Variants in WASF3 observed in about 807,000 individuals in gnomAD.
WASF3 encodes the protein actin-binding protein WASF3.
In WASF3, 11 loss-of-function variants were observed where a neutral mutation model predicts 46.6. The observed-to-expected ratio is 0.24, with a 90% CI of 0.15 to 0.39. The LOEUF (loss-of-function observed/expected upper bound fraction) is 0.39. Ranked by LOEUF, WASF3 falls within the 10% of genes least tolerant of loss-of-function variation. The pLI is 1.00. For synonymous variants in WASF3, 242 were observed against 259.7 expected (o/e 0.93, Z 0.65); for missense variants, 576 against 669.8 (o/e 0.86, Z 1.55).
chr13:26,562,813 A>T (rs1205191988), intron 1 of WASF3, among the ~76,000 whole-genome samples: 1 of 136,506 alleles, frequency 7.3e-6, no homozygotes, highest in African/African-American at 2.9e-5. Flanking sequence ...TTAACTGGAG[A>T]GGGGCATCTG....
chr13:26,640,709 T>G (rs114024463), intron 2 of WASF3: 1 of 152,254 alleles, frequency 6.6e-6, no homozygotes. Flanking sequence ...GCCCAGCATA[T>G]CATCTCCTTT....
At chr13:26,545,395 A>G in the WASF3 span, among the ~76,000 whole-genome samples, 1 of 151,588 alleles carries the variant, frequency 6.6e-6, no homozygotes, top group African/African-American at 2.4e-5. Flanking sequence ...TTTCTTTTCA[A>G]TTTCATTTTA....
chr13:26,633,930 T>C (rs1881735283), intron 2 of WASF3, among the ~76,000 whole-genome samples: 1 of 152,224 alleles, frequency 6.6e-6, no homozygotes, highest in Non-Finnish European at 1.5e-5. Flanking sequence ...ACTTTTAGAA[T>C]AAGTGTGATG....
At chr13:26,577,201 G>A in intron 1 of WASF3, 1 of 740,656 alleles carries the variant, frequency 1.4e-6, no homozygotes, top group Non-Finnish European at 2.5e-6. Flanking sequence ...GATCTTACCT[G>A]TGACAAAATG....
the WASF3 span, among the ~76,000 whole-genome samples, chr13:26,552,566 A>G: frequency 5.3e-5 from 8 of 152,244 alleles, 1 homozygote; most frequent in Middle Eastern, 6.3e-3. Flanking sequence ...AGATTTATAT[A>G]TGGAGCTAAA....
chr13:26,616,411 G>A (rs968067142), intron 2 of WASF3, among the ~76,000 whole-genome samples: 1 of 152,134 alleles, frequency 6.6e-6, no homozygotes, highest in African/African-American at 2.4e-5. Context: ...AACTTCTTTA[G>A]TGAAGTGTCT....
chr13:26,654,656 G>C (rs561585294), intron 3 of WASF3, among the ~76,000 whole-genome samples: 1 of 152,160 alleles, frequency 6.6e-6, no homozygotes, highest in Non-Finnish European at 1.5e-5. Flanking sequence ...ATATTGTAAA[G>C]AAGTATTTTA....
In WASF3 at chr13:26,682,801, C is replaced by T. The variant is rs550889628; in HGVS notation, c.1178C>T (p.Thr393Ile). Residue 393 changes from threonine to isoleucine, a missense_variant, in exon 9 of 10, where the codon ACA becomes ATA. Physicochemically the swap from Thr to Ile is moderately conservative, Grantham distance 89. Coordinates refer to ENST00000335327, the MANE Select transcript of WASF3 (RefSeq NM_006646.6). This position sits in a 1 kb window ranked among gnomAD's most constrained non-coding sequence, Gnocchi z 4.4. ...PHPPSTGLLV[T>I]APPPPGPPPP... Reference sequence around the variant, plus strand: ...CCACCCTCCACCGGGCTCCTGGTCACAGCCCCGCCACCCCCGGGCCCACCA... The same window carrying T: ...CCACCCTCCACCGGGCTCCTGGTCATAGCCCCGCCACCCCCGGGCCCACCA... 5.6e-6 allele frequency: 9 copies of T among 1,610,854 alleles called. No individual in the cohort carries two copies. The highest frequency in any genetic ancestry group is 4.5e-5 in the East Asian group (2 of 44,868).
chr13:26,565,010 T>C (rs915926086), intron 1 of WASF3, among the ~76,000 whole-genome samples: 2 of 144,910 alleles, frequency 1.4e-5, no homozygotes, highest in Admixed American at 7.2e-5. Flanking sequence ...TGCTGGGGCA[T>C]AGTCTATCCT....
chr13:26,670,484 TAAAGTA>T (rs1336840920), intron 5 of WASF3, among the ~76,000 whole-genome samples: 1 of 152,078 alleles, frequency 6.6e-6, no homozygotes, highest in African/African-American at 2.4e-5. Flanking sequence ...TCCCAGAACT[TAAAGTA>T]TAATAATAAA....
intron 3 of WASF3, among the ~76,000 whole-genome samples, chr13:26,663,783 G>C (rs189331840): frequency 2.0e-5 from 3 of 152,270 alleles, no homozygotes; most frequent in East Asian, 3.9e-4. Flanking sequence ...AGTGTTTCAT[G>C]GCATGAAATA....
At chr13:26,649,615 C>T (rs975160683) in intron 3 of WASF3, among the ~76,000 whole-genome samples, 1 of 152,178 alleles carries the variant, frequency 6.6e-6, no homozygotes, top group South Asian at 2.1e-4. Flanking sequence ...TGGTGAGTTG[C>T]TGGAGGCTCA....
At chr13:26,668,305 C>G (rs188236096) in intron 5 of WASF3, among the ~76,000 whole-genome samples, 41 of 152,370 alleles carry the variant, frequency 2.7e-4, no homozygotes, top group Admixed American at 2.5e-3. Flanking sequence ...TCAGCACTTT[C>G]TTCCCATACC....
intron 3 of WASF3, among the ~76,000 whole-genome samples, chr13:26,648,019 ATTAT>A (rs1234644518): frequency 2.0e-5 from 3 of 152,164 alleles, no homozygotes; most frequent in African/African-American, 7.2e-5. Flanking sequence ...ATACACCATA[ATTAT>A]TTAACCATTT....
intron 1 of WASF3, among the ~76,000 whole-genome samples, chr13:26,590,550 G>A (rs552869811): frequency 6.6e-6 from 1 of 152,170 alleles, no homozygotes; most frequent in East Asian, 1.9e-4. Context: ...ATCTGGATGG[G>A]ATTTAAGCCC....
intron 3 of WASF3, among the ~76,000 whole-genome samples, chr13:26,651,397 A>T (rs796302946): frequency 3.0e-4 from 45 of 152,314 alleles, no homozygotes; most frequent in African/African-American, 9.9e-4. Flanking sequence ...AAAAGAAGAA[A>T]GAGGAAAAAT....
intron 9 of WASF3, 118 bp from the exon 10 acceptor site, chr13:26,685,570 A>G (rs1883376728): frequency 3.1e-6 from 4 of 1,273,252 alleles, no homozygotes; most frequent in Non-Finnish European, 3.2e-6. Flanking sequence ...TCAAATTTCT[A>G]AAACTTTCTG....
the WASF3 span, among the ~76,000 whole-genome samples, chr13:26,542,818 C>T: frequency 3.3e-5 from 5 of 152,122 alleles, no homozygotes; most frequent in East Asian, 3.9e-4. Context: ...CTATTGTTGC[C>T]CTGGGCCTAG....
At chr13:26,631,880 TC>T (rs1881662110) in intron 2 of WASF3, among the ~76,000 whole-genome samples, 1 of 152,228 alleles carries the variant, frequency 6.6e-6, no homozygotes, top group African/African-American at 2.4e-5. Context: ...CTTGAAGACG[TC>T]CTTCACGTCC....
Sources: gnomAD v4.1 joint callset for allele counts (sites outside exome capture counted in the v4.1 genomes callset) on GRCh38, gnomAD v4.1.1 for gene constraint, Gnocchi (gnomAD v3.1) non-coding constraint, MANE v1.5 for transcripts, NCBI Gene and HGNC (gene_info 2026-07-23, HGNC 2026-07-21) for gene names.